Variants in VPS13D observed in about 807,000 individuals in gnomAD.
VPS13D encodes vacuolar protein sorting 13 homolog D.
Under a neutral mutation model 461.9 loss-of-function variants are expected in VPS13D, and 187 were observed. The ratio of observed to expected loss-of-function variants is 0.40; its 90% CI spans 0.36 to 0.46. The LOEUF (loss-of-function observed/expected upper bound fraction) is 0.46. VPS13D is among the 20% of genes least tolerant of loss of function. The probability of loss-of-function intolerance (pLI) is 0.60; values close to 1 mark genes in which losing one functional copy is unlikely to be tolerated. For synonymous variants in VPS13D, 1,951 were observed against 1,986.3 expected (o/e 0.98, Z 0.47); for missense variants, 4,711 against 5,364.9 (o/e 0.88, Z 3.81).
At chr1:12,477,098 GT>G (rs1645642413) in intron 67 of VPS13D, among the ~76,000 whole-genome samples, 1 of 152,168 alleles carries the variant, frequency 6.6e-6, no homozygotes, top group Non-Finnish European at 1.5e-5. Flanking sequence ...TGGGATTTCT[GT>G]TTTTATTTTT....
intron 60 of VPS13D, among the ~76,000 whole-genome samples, chr1:12,399,467 T>C (rs1644544410): frequency 6.6e-6 from 1 of 152,136 alleles, no homozygotes; most frequent in Admixed American, 6.5e-5. Context: ...AGTGCTGGGA[T>C]TACAGGTGTG....
At chr1:12,292,999 C>T (rs774829258) in intron 23 of VPS13D, among the ~76,000 whole-genome samples, 1 of 152,148 alleles carries the variant, frequency 6.6e-6, no homozygotes, top group African/African-American at 2.4e-5. Context: ...GCACCATGCT[C>T]CATTAAACTC....
chr1:12,385,493 C>A, intron 59 of VPS13D, 120 bp downstream of exon 59: 1 of 768,912 alleles, frequency 1.3e-6, no homozygotes, highest in Non-Finnish European at 2.1e-6. Flanking sequence ...ATGAGTTACG[C>A]TTCACAGTGT....
chr1:12,335,567 A>T, intron 38 of VPS13D, 138 bp from the exon 39 acceptor site: 1 of 1,097,868 alleles, frequency 9.1e-7, no homozygotes, highest in Non-Finnish European at 1.3e-6. Context: ...TCCAGGGCAT[A>T]GACTTTCTCG....
intron 3 of VPS13D, among the ~76,000 whole-genome samples, chr1:12,243,787 C>T (rs765765636): frequency 2.0e-5 from 3 of 152,152 alleles, no homozygotes; most frequent in Non-Finnish European, 2.9e-5. Flanking sequence ...CACCATTTAC[C>T]TATGTTTCAG....
chr1:12,444,219 A>C (rs923429174), intron 65 of VPS13D, among the ~76,000 whole-genome samples: 2 of 152,180 alleles, frequency 1.3e-5, no homozygotes, highest in Admixed American at 6.5e-5. Flanking sequence ...TTATGATATC[A>C]TCCCATTGTT....
intron 60 of VPS13D, among the ~76,000 whole-genome samples, chr1:12,387,986 G>A (rs1644370715): frequency 6.6e-6 from 1 of 152,024 alleles, no homozygotes; most frequent in African/African-American, 2.4e-5. Flanking sequence ...TCAGGCAGAA[G>A]GAAAAAAATA....
intron 60 of VPS13D, among the ~76,000 whole-genome samples, chr1:12,398,287 GA>G (rs1414288004): frequency 6.6e-6 from 1 of 152,134 alleles, no homozygotes; most frequent in East Asian, 1.9e-4. Context: ...TTCGGTGCCA[GA>G]AATCTCTGCA....
chr1:12,252,346 C>T (rs577672588), intron 6 of VPS13D, among the ~76,000 whole-genome samples: 4 of 152,292 alleles, frequency 2.6e-5, no homozygotes, highest in African/African-American at 7.2e-5. Flanking sequence ...ACTGCCCCCA[C>T]CGCACACATC....
chr1:12,251,225 C>T (rs1054924312), intron 6 of VPS13D, among the ~76,000 whole-genome samples: 10 of 152,224 alleles, frequency 6.6e-5, no homozygotes, highest in Non-Finnish European at 1.3e-4. Flanking sequence ...CATCCCTGCT[C>T]CTCACCCTGT....
At chr1:12,412,771 C>G (rs1042678327) in intron 63 of VPS13D, among the ~76,000 whole-genome samples, 2 of 152,116 alleles carry the variant, frequency 1.3e-5, no homozygotes, top group Non-Finnish European at 2.9e-5. Flanking sequence ...ACAGAAAGCT[C>G]TTACCATATA....
chr1:12,465,875 G>A (rs1373281115), intron 67 of VPS13D, among the ~76,000 whole-genome samples: 3 of 152,158 alleles, frequency 2.0e-5, no homozygotes, highest in African/African-American at 7.2e-5. Flanking sequence ...GGTGGCTCAC[G>A]CCTGTAATCC....
At chr1:12,347,257 G>GC (rs969654304) in intron 44 of VPS13D, among the ~76,000 whole-genome samples, 4 of 151,800 alleles carry the variant, frequency 2.6e-5, no homozygotes, top group African/African-American at 4.8e-5. Context: ...TGCAACATCC[G>GC]CCCCCCGGGT....
intron 38 of VPS13D, among the ~76,000 whole-genome samples, chr1:12,334,757 C>A (rs1438503179): frequency 6.6e-6 from 1 of 152,100 alleles, no homozygotes; most frequent in East Asian, 1.9e-4. Context: ...AGAGCAAGAC[C>A]CTGTCTCTAA....
rs1169813558 is a variant in VPS13D at position 12,505,218 on chromosome 1, T to C, written c.12795-1635T>C. ...GTGTCACCTCTTCTCTGTGTCAGGA[T>C]CATTTTTATCCCTCTCTGTCTGTCT... is the stretch of plus-strand genomic sequence containing the variant. On this transcript the variant is annotated intron_variant, in intron 68 of 69. Transcript: ENST00000620676. The surrounding 1 kb of genome is among the most constrained non-coding windows in gnomAD (Gnocchi z 4.2). Among the ~76,000 whole-genome samples the C allele has an allele frequency of 6.6e-6, 1 of 152,190 alleles. No individual in the cohort carries two copies. Among genetic ancestry groups the C allele is most frequent in the Non-Finnish European group, 1.5e-5 (1 of 68,038 alleles).
chr1:12,328,601 T>C (rs1407616292), intron 36 of VPS13D, among the ~76,000 whole-genome samples: 1 of 151,984 alleles, frequency 6.6e-6, no homozygotes, highest in African/African-American at 2.4e-5. Context: ...AGTGCAGTGG[T>C]GCAATCTCGG....
chr1:12,456,194 T>A, intron 66 of VPS13D, 64 bp downstream of exon 66: 1 of 1,532,952 alleles, frequency 6.5e-7, no homozygotes, highest in Non-Finnish European at 8.7e-7. Flanking sequence ...TGTATCAATC[T>A]GATTGCAGCT....
chr1:12,351,436 G>A (rs1040149457), intron 46 of VPS13D, among the ~76,000 whole-genome samples: 57 of 146,882 alleles, frequency 3.9e-4, no homozygotes, highest in African/African-American at 9.1e-4. Flanking sequence ...GATTACAGGC[G>A]CCTGCCACCA....
chr1:12,244,291 A>T lies in VPS13D; in HGVS notation c.221A>T (p.His74Leu). The change falls in exon 4 of 70, where the codon CAT becomes CTT. Residue 74 changes from histidine to leucine, a missense_variant. Physicochemically the swap from His to Leu is moderately conservative, Grantham distance 99. Around this residue, in one of 3 missense-constraint regions of VPS13D, gnomAD observed 4,411 missense variants for 4,937.8 expected, o/e 0.89. Coordinates refer to ENST00000620676, the MANE Select transcript of VPS13D (RefSeq NM_015378.4). ...CTTCAGATTCCCTTTTATCGCCCCC[A>T]TGTGGACCCTTGGGTGATCTCCATC... is the stretch of plus-strand genomic sequence containing the variant. ...VTLQIPFYRP[H>L]VDPWVISISS... is the part of the protein sequence containing the mutation. 1 of 1,614,104 alleles carries T rather than the reference A, an allele frequency of 6.2e-7. No individual in the cohort carries two copies. Among genetic ancestry groups the T allele is most frequent in the Non-Finnish European group, 8.5e-7 (1 of 1,179,964 alleles).
Sources: gnomAD v4.1 joint callset for allele counts (sites outside exome capture counted in the v4.1 genomes callset) on GRCh38, gnomAD v4.1.1 for gene constraint, gnomAD v4.1.1 regional missense constraint, Gnocchi (gnomAD v3.1) non-coding constraint, MANE v1.5 for transcripts, NCBI Gene and HGNC (gene_info 2026-07-23, HGNC 2026-07-21) for gene names.